Variants in CDC37L1 observed in about 807,000 individuals in gnomAD.
The protein encoded by CDC37L1 is cell division cycle 37 like 1, HSP90 cochaperone.
In CDC37L1, 32 loss-of-function variants were observed where a neutral mutation model predicts 45.9. That is an observed-to-expected ratio of 0.70 (90% CI 0.53 to 0.94). The LOEUF is 0.94. Among genes scored for constraint, CDC37L1 ranks in the 40% least tolerant of loss-of-function variants. CDC37L1 has a pLI of 0.00. For missense variants in CDC37L1, 434 were observed against 405.7 expected (o/e 1.07, Z -0.60); for synonymous variants, 150 against 133.0 (o/e 1.13, Z -0.88).
chr9:4,703,051 C>A, intron 6 of CDC37L1: 1 of 1,529,796 alleles, frequency 6.5e-7, no homozygotes, highest in Non-Finnish European at 8.8e-7. Flanking sequence ...TTACTAGTAG[C>A]ACTTTAATAG....
At chr9:4,689,104 G>C (rs1195768364) in intron 3 of CDC37L1, among the ~76,000 whole-genome samples, 1 of 152,120 alleles carries the variant, frequency 6.6e-6, no homozygotes, top group Non-Finnish European at 1.5e-5. Flanking sequence ...AAGGGTAAGA[G>C]GGGGGTTGAT....
Position 4,706,324 on chromosome 9 carries a change from T to A in CDC37L1, c.*212T>A. On this transcript the variant is annotated 3_prime_UTR_variant, in exon 7 of 7. Transcript: ENST00000381854. Reference sequence around the variant, plus strand: ...TGAAGAGAAGAGTGGTACCATATGTTGCAGGAAGTCAAACTGGACTTTTTG... The same window carrying A: ...TGAAGAGAAGAGTGGTACCATATGTAGCAGGAAGTCAAACTGGACTTTTTG... The A allele has an allele frequency of 3.1e-6, 1 of 319,082 alleles. No individual in the cohort carries two copies. The highest frequency in any genetic ancestry group is 4.7e-5 in the East Asian group (1 of 21,124). 19.8% of individuals were successfully genotyped at this position (319,082 alleles called of 1,614,324 possible).
At chr9:4,705,664 T>G (rs889280399) in intron 6 of CDC37L1, among the ~76,000 whole-genome samples, 1 of 152,172 alleles carries the variant, frequency 6.6e-6, no homozygotes, top group Non-Finnish European at 1.5e-5. Context: ...CATTGCTAAC[T>G]TCAAACCATA....
At chr9:4,687,203 G>A (rs938632107) in intron 2 of CDC37L1, among the ~76,000 whole-genome samples, 5 of 152,176 alleles carry the variant, frequency 3.3e-5, no homozygotes, top group South Asian at 2.1e-4. Context: ...TGATGATAAC[G>A]GGGTATAAAT....
chr9:4,689,449 G>T (rs746349843), intron 3 of CDC37L1, among the ~76,000 whole-genome samples: 2 of 151,562 alleles, frequency 1.3e-5, no homozygotes, highest in Admixed American at 6.6e-5. Flanking sequence ...TTTACCCAAC[G>T]TTTTTTGAAT....
At chr9:4,702,750 G>A (rs1291068985) in intron 6 of CDC37L1, among the ~76,000 whole-genome samples, 4 of 151,610 alleles carry the variant, frequency 2.6e-5, no homozygotes, top group Admixed American at 6.6e-5. Context: ...TTAGCCGGGC[G>A]TGGTGGCAGG....
intron 5 of CDC37L1, among the ~76,000 whole-genome samples, chr9:4,699,843 T>A (rs1159210115): frequency 6.6e-6 from 1 of 152,168 alleles, no homozygotes; most frequent in Non-Finnish European, 1.5e-5. Context: ...GCACATAGGA[T>A]ATATTTGAAC....
chr9:4,697,030 G>C, intron 3 of CDC37L1, 66 bp from the exon 4 acceptor site: 1 of 717,640 alleles, frequency 1.4e-6, no homozygotes. Context: ...AGAATGGTTG[G>C]TATTTCTTCC....
intron 2 of CDC37L1, among the ~76,000 whole-genome samples, chr9:4,685,854 G>T (rs1434409646): frequency 6.6e-6 from 1 of 152,154 alleles, no homozygotes; most frequent in Admixed American, 6.6e-5. Context: ...TTTAAATGTG[G>T]AATAAAATGA....
At chr9:4,690,043 GA>G (rs1467949884) in intron 3 of CDC37L1, among the ~76,000 whole-genome samples, 1 of 152,134 alleles carries the variant, frequency 6.6e-6, no homozygotes, top group Non-Finnish European at 1.5e-5. Context: ...TTTTGTGTAG[GA>G]AAATATCCAA....
At chr9:4,701,476 T>A (rs1448961973) in intron 5 of CDC37L1, among the ~76,000 whole-genome samples, 1 of 152,186 alleles carries the variant, frequency 6.6e-6, no homozygotes, top group African/African-American at 2.4e-5. Context: ...TTTAAGAATA[T>A]CCCTTGATTG....
At chr9:4,694,456 A>T (rs947859537) in intron 3 of CDC37L1, among the ~76,000 whole-genome samples, 1 of 152,190 alleles carries the variant, frequency 6.6e-6, no homozygotes, top group African/African-American at 2.4e-5. Flanking sequence ...GAACTTCTCA[A>T]TTTCATACTA....
chr9:4,684,592 A>G (rs1841229368), intron 1 of CDC37L1, among the ~76,000 whole-genome samples: 1 of 152,202 alleles, frequency 6.6e-6, no homozygotes, highest in African/African-American at 2.4e-5. Context: ...GAAGACTATT[A>G]ATTAAACGTT....
chr9:4,697,823 A>C lies in CDC37L1; in HGVS notation c.691A>C (p.Lys231Gln). ...AATGCAGTTTATTATGGAAATGGCC[A>C]AAAACTGTAATGTGGATCCAAGAGG... ...VVMQFIMEMA[K>Q]NCNVDPRGCF... is the part of the protein sequence containing the mutation. Residue 231 changes from lysine (K) to glutamine (Q), a missense_variant, in exon 5 of 7, where the codon AAA becomes CAA. Physicochemically the swap from Lys to Gln is moderately conservative, Grantham distance 53. Coordinates refer to ENST00000381854, the MANE Select transcript of CDC37L1 (RefSeq NM_017913.4). The C allele has an allele frequency of 6.2e-7, 1 of 1,611,618 alleles. No individual in the cohort carries two copies.
At chr9:4,702,552 T>A (rs1005674210) in intron 6 of CDC37L1, among the ~76,000 whole-genome samples, 3 of 152,194 alleles carry the variant, frequency 2.0e-5, no homozygotes, top group African/African-American at 7.2e-5. Context: ...GCCAACTGTT[T>A]GAGCCTCTTT....
Position 4,708,173 on chromosome 9 carries a change from T to C in CDC37L1, c.*2061T>C, listed in dbSNP as rs1266884707. On this transcript the variant is annotated 3_prime_UTR_variant, in exon 7 of 7. Transcript: ENST00000381854. The stretch of plus-strand genomic sequence containing the variant: ...TACTTTAGTACTAGAAACAGTAAAT[T>C]GACATCCTTGAACTAATTCCTACCT... The C allele has an allele frequency of 6.6e-6, 1 of 152,210 alleles. No homozygotes were observed. The highest frequency in any genetic ancestry group is 6.5e-5 in the Admixed American group (1 of 15,278). The allele number at this position is 152,210 out of a possible 1,614,324, so 9.4% of individuals were successfully genotyped here.
chr9:4,696,126 T>C (rs1841345420), intron 3 of CDC37L1, among the ~76,000 whole-genome samples: 1 of 152,138 alleles, frequency 6.6e-6, no homozygotes, highest in African/African-American at 2.4e-5. Context: ...GAATCATTTA[T>C]TTTTGATTGA....
In CDC37L1 at chr9:4,708,348, CTT is replaced by C. The variant is rs1303968358; in HGVS notation, c.*2237_*2238del. ...TTACATCAAAGTATCATCAAAGATT[CTT>C]GTTTCATTTGATAAAATTAATATTT... On this transcript the variant is annotated 3_prime_UTR_variant, in exon 7 of 7. Coordinates refer to ENST00000381854, the MANE Select transcript of CDC37L1 (RefSeq NM_017913.4). 2 of 152,108 alleles carry C rather than the reference CTT, an allele frequency of 1.3e-5. No individual in the cohort carries two copies. The highest frequency in any genetic ancestry group is 1.3e-4 in the Admixed American group (2 of 15,278). The allele number at this position is 152,108 out of a possible 1,614,324, so 9.4% of individuals were successfully genotyped here. A position where few individuals can be genotyped will look rare whatever the true frequency, so the allele number is the denominator to read the frequency against.
At chr9:4,704,649 T>G (rs976790494) in intron 6 of CDC37L1, among the ~76,000 whole-genome samples, 4 of 152,178 alleles carry the variant, frequency 2.6e-5, no homozygotes, top group Non-Finnish European at 4.4e-5. Context: ...TAAAGCTGTT[T>G]TTTTGGAGAA....
Sources: gnomAD v4.1 joint callset for allele counts (sites outside exome capture counted in the v4.1 genomes callset) on GRCh38, gnomAD v4.1.1 for gene constraint, MANE v1.5 for transcripts, NCBI Gene and HGNC (gene_info 2026-07-23, HGNC 2026-07-21) for gene names.